The following DNAJC3 variants were observed in gnomAD, a reference collection of about 807,000 sequenced individuals.
DNAJC3 encodes DnaJ heat shock protein family (Hsp40) member C3.
Under a neutral mutation model 68.6 loss-of-function variants are expected in DNAJC3, and 38 were observed. The observed-to-expected ratio is 0.55, with a 90% CI of 0.43 to 0.73. DNAJC3 has a LOEUF of 0.73. Ranked by LOEUF, DNAJC3 falls within the 30% of genes least tolerant of loss-of-function variation. The pLI is 0.00. For missense variants in DNAJC3, 526 were observed against 591.9 expected, an observed-to-expected ratio of 0.89 and a Z score of 1.16; for synonymous variants, 203 against 204.0, an observed-to-expected ratio of 1.00 and a Z score of 0.04.
chr13:95,717,058 A>T (rs1396875862), intron 2 of DNAJC3, among the ~76,000 whole-genome samples: 1 of 151,946 alleles, frequency 6.6e-6, no homozygotes, highest in African/African-American at 2.4e-5. Flanking sequence ...CTCTTAAGAG[A>T]TGTGCGTTTA....
chr13:95,771,936 A>T (rs1365603806), intron 9 of DNAJC3, among the ~76,000 whole-genome samples: 3 of 152,086 alleles, frequency 2.0e-5, no homozygotes, highest in Non-Finnish European at 2.9e-5. Context: ...TTTGAGATTT[A>T]TTTATGTTAT....
At chr13:95,718,373 G>T (rs533458125) in intron 2 of DNAJC3, among the ~76,000 whole-genome samples, 1 of 152,300 alleles carries the variant, frequency 6.6e-6, no homozygotes, top group South Asian at 2.1e-4. Context: ...ACCAGGGAAG[G>T]CTATTTTGAT....
intron 9 of DNAJC3, among the ~76,000 whole-genome samples, chr13:95,776,207 A>G (rs138854755): frequency 1.6e-3 from 240 of 152,284 alleles, no homozygotes; most frequent in African/African-American, 5.4e-3. Flanking sequence ...AAAAAGTGAT[A>G]TGAATGCGTC....
In DNAJC3 at chr13:95,787,198, G is replaced by T. The variant is rs1298726129; in HGVS notation, c.1357+43G>T. 1.9e-6 allele frequency: 3 copies of T among 1,585,132 alleles called. No individual in the cohort carries two copies. In the African/African-American group the frequency reaches 4.1e-5, roughly 22 times the overall value. ...TCCTTTGACTCATCCTAGAGGTGGTGTTAGAAGCGAGGGTGGAACATGTGG... is the reference window on the plus strand; with the variant it reads ...TCCTTTGACTCATCCTAGAGGTGGTTTTAGAAGCGAGGGTGGAACATGTGG... On this transcript the variant is annotated intron_variant, in intron 11 of 11. Coordinates refer to ENST00000602402, the MANE Select transcript of DNAJC3 (RefSeq NM_006260.5).
At chr13:95,713,152 C>T (rs1881027051) in intron 2 of DNAJC3, among the ~76,000 whole-genome samples, 1 of 152,166 alleles carries the variant, frequency 6.6e-6, no homozygotes, top group African/African-American at 2.4e-5. Flanking sequence ...ATTACCCAGT[C>T]TCCGGTATGT....
intron 4 of DNAJC3, among the ~76,000 whole-genome samples, chr13:95,742,153 G>A (rs1026276620): frequency 6.6e-6 from 1 of 152,198 alleles, no homozygotes; most frequent in African/African-American, 2.4e-5. Context: ...CCTGTGCTCA[G>A]TACATTTTAA....
intron 1 of DNAJC3, among the ~76,000 whole-genome samples, chr13:95,679,819 T>C (rs1174490814): frequency 6.6e-6 from 1 of 152,188 alleles, no homozygotes; most frequent in Non-Finnish European, 1.5e-5. Flanking sequence ...TACAATACAA[T>C]TCACTTTTAA....
At chr13:95,738,152 C>A (rs997117603) in intron 4 of DNAJC3, among the ~76,000 whole-genome samples, 1 of 148,258 alleles carries the variant, frequency 6.7e-6, no homozygotes, top group African/African-American at 2.5e-5. Context: ...ATTCTTAATC[C>A]TGAGTTCTAG....
chr13:95,748,572 T>A (rs1404419221), intron 4 of DNAJC3, among the ~76,000 whole-genome samples: 1 of 152,208 alleles, frequency 6.6e-6, no homozygotes, highest in African/African-American at 2.4e-5. Flanking sequence ...TCCCAGCACT[T>A]TGGGAGGTCA....
At chr13:95,711,449 G>A (rs1472541021) in intron 2 of DNAJC3, among the ~76,000 whole-genome samples, 1 of 152,088 alleles carries the variant, frequency 6.6e-6, no homozygotes, top group Non-Finnish European at 1.5e-5. Flanking sequence ...AGTGAGCCAA[G>A]ATCGCACCAT....
chr13:95,719,722 C>T (rs980740240), intron 2 of DNAJC3, among the ~76,000 whole-genome samples: 2 of 152,190 alleles, frequency 1.3e-5, no homozygotes, highest in Admixed American at 6.5e-5. Context: ...GGTTCCAATT[C>T]CATTTCCTGT....
chr13:95,755,169 G>C (rs762640561), intron 4 of DNAJC3, among the ~76,000 whole-genome samples: 14 of 152,182 alleles, frequency 9.2e-5, no homozygotes, highest in Non-Finnish European at 1.8e-4. Flanking sequence ...CATCTCAGAC[G>C]GGCACAGTGG....
At chr13:95,764,691 C>CACACATATATATATACATATATATAT (rs1882933807) in intron 9 of DNAJC3, among the ~76,000 whole-genome samples, 2 of 131,446 alleles carry the variant, frequency 1.5e-5, no homozygotes, top group Non-Finnish European at 3.2e-5. Context: ...TATACACACA[C>CACACATATATATATACATATATATAT]ACACATATAT....
chr13:95,769,699 A>G (rs574004574), intron 9 of DNAJC3, among the ~76,000 whole-genome samples: 1 of 152,332 alleles, frequency 6.6e-6, no homozygotes, highest in Non-Finnish European at 1.5e-5. Flanking sequence ...CCTGAACTGT[A>G]AAGTCATGCT....
At chr13:95,716,332 G>A (rs554205460) in intron 2 of DNAJC3, among the ~76,000 whole-genome samples, 2 of 152,338 alleles carry the variant, frequency 1.3e-5, no homozygotes, top group African/African-American at 4.8e-5. Flanking sequence ...TGCAGAGGCC[G>A]TGGGGAGTGC....
chr13:95,701,692 T>C (rs565849745), intron 1 of DNAJC3, among the ~76,000 whole-genome samples: 3 of 152,352 alleles, frequency 2.0e-5, no homozygotes, highest in Non-Finnish European at 4.4e-5. Flanking sequence ...AGTCCCAGTT[T>C]ATGAAGATAA....
intron 4 of DNAJC3, among the ~76,000 whole-genome samples, chr13:95,744,308 T>G (rs143145870): frequency 6.6e-5 from 10 of 152,328 alleles, no homozygotes; most frequent in Middle Eastern, 3.4e-3. Flanking sequence ...AGGAAAGTAC[T>G]CACCTTGTAC....
intron 1 of DNAJC3, among the ~76,000 whole-genome samples, chr13:95,682,587 T>G (rs932772697): frequency 3.3e-5 from 5 of 152,212 alleles, no homozygotes; most frequent in African/African-American, 1.2e-4. Flanking sequence ...CCCTTGCTGC[T>G]TATTTTGCTG....
intron 1 of DNAJC3, among the ~76,000 whole-genome samples, chr13:95,681,142 C>T (rs773037888): frequency 6.6e-5 from 10 of 152,094 alleles, no homozygotes; most frequent in Non-Finnish European, 1.0e-4. Flanking sequence ...TCTCCTTTCC[C>T]GCTTTAGACT....
Sources: gnomAD v4.1 joint callset for allele counts (sites outside exome capture counted in the v4.1 genomes callset) on GRCh38, gnomAD v4.1.1 for gene constraint, MANE v1.5 for transcripts, NCBI Gene and HGNC (gene_info 2026-07-23, HGNC 2026-07-21) for gene names.